The following PLXDC1 variants were observed in gnomAD, a reference collection of about 807,000 sequenced individuals.
PLXDC1 encodes plexin domain-containing protein 1.
PLXDC1 carries 39 observed loss-of-function variants against 61.3 expected under a neutral mutation model. The ratio of observed to expected loss-of-function variants is 0.64; its 90% CI spans 0.49 to 0.83. PLXDC1 has a LOEUF of 0.83. Ranked by LOEUF, PLXDC1 falls within the 40% of genes least tolerant of loss-of-function variation. The pLI is 0.00. For synonymous variants in PLXDC1, 212 were observed against 254.5 expected (o/e 0.83, Z 1.59); for missense variants, 596 against 666.5 (o/e 0.89, Z 1.17).
chr17:39,087,791 G>T, intron 7 of PLXDC1, 89 bp from the exon 8 acceptor site: 1 of 902,774 alleles, frequency 1.1e-6, no homozygotes, highest in Non-Finnish European at 1.8e-6. Flanking sequence ...AGGTCAGCCT[G>T]CTGCACTGAA....
intron 2 of PLXDC1, among the ~76,000 whole-genome samples, chr17:39,121,541 A>C (rs1911160605): frequency 6.6e-6 from 1 of 152,164 alleles, no homozygotes; most frequent in Admixed American, 6.6e-5. Context: ...CTTGAAATTC[A>C]CCAACTTTGG....
Position 39,108,983 on chromosome 17 carries a change from A to G in PLXDC1, c.400-10T>C. The G allele has an allele frequency of 1.2e-6, 2 of 1,608,316 alleles. No homozygotes were observed. Among genetic ancestry groups the G allele is most frequent in the South Asian group, 1.1e-5 (1 of 90,752 alleles). Reference sequence around the variant, plus strand: ...AGGACAAGACCACTCTCTGCAGGGGATGGGAGAAAGTCAGCACGGGCCAAG... The same window carrying G: ...AGGACAAGACCACTCTCTGCAGGGGGTGGGAGAAAGTCAGCACGGGCCAAG... On this transcript the variant is annotated splice_polypyrimidine_tract_variant and intron_variant, in intron 3 of 13. Transcript: ENST00000315392.
intron 2 of PLXDC1, among the ~76,000 whole-genome samples, chr17:39,127,680 G>T (rs970065718): frequency 6.6e-6 from 1 of 152,060 alleles, no homozygotes; most frequent in African/African-American, 2.4e-5. Context: ...ATAAGGCCGG[G>T]TGCAGTGGCT....
chr17:39,119,054 G>T (rs1369654163), intron 2 of PLXDC1, among the ~76,000 whole-genome samples: 1 of 152,206 alleles, frequency 6.6e-6, no homozygotes. Flanking sequence ...ATGAAAAGGA[G>T]GCAAGAACTG....
At chr17:39,092,700 CTT>C (rs1462722799) in intron 7 of PLXDC1, among the ~76,000 whole-genome samples, 1 of 150,708 alleles carries the variant, frequency 6.6e-6, no homozygotes, top group Non-Finnish European at 1.5e-5. Flanking sequence ...GCCACACAGT[CTT>C]TGTTTTAAAA....
intron 2 of PLXDC1, among the ~76,000 whole-genome samples, chr17:39,113,534 C>G (rs953587795): frequency 2.0e-5 from 3 of 152,168 alleles, no homozygotes; most frequent in Admixed American, 6.5e-5. Flanking sequence ...CCCTTCTCTT[C>G]TTTACTAATA....
intron 7 of PLXDC1, among the ~76,000 whole-genome samples, chr17:39,104,782 A>T (rs1020010821): frequency 4.9e-5 from 5 of 101,450 alleles, no homozygotes; most frequent in Non-Finnish European, 1.2e-4. Context: ...GACTTTGTTT[A>T]AAAAAAAAAA....
chr17:39,141,614 C>T (rs1911936730), intron 1 of PLXDC1, among the ~76,000 whole-genome samples: 1 of 152,200 alleles, frequency 6.6e-6, no homozygotes, highest in African/African-American at 2.4e-5. Context: ...ACAAATATCT[C>T]TTTGAGACCT....
intron 7 of PLXDC1, among the ~76,000 whole-genome samples, chr17:39,090,597 C>T (rs780706506): frequency 9.9e-5 from 15 of 152,132 alleles, no homozygotes; most frequent in Non-Finnish European, 8.8e-5. Context: ...CTCAGTGAGC[C>T]GCATCCACAC....
rs1911379292 is a variant in PLXDC1, at chr17:39,128,097, G to GTGTATATATATATATATATATATA, written c.255+11556_255+11557insTATATATATATATATATATATACA. Reference sequence around the variant, plus strand: ...TCTCTCTCTCTCTCTCTCTCTATGTGTATATATATATATATATGTATATAT... The same window carrying GTGTATATATATATATATATATATA: ...TCTCTCTCTCTCTCTCTCTCTATGTGTGTATATATATATATATATATATATATATATATATATATATGTATATAT... On this transcript the variant is annotated intron_variant, in intron 2 of 13. Coordinates refer to ENST00000315392, the MANE Select transcript of PLXDC1 (RefSeq NM_020405.5). 4.9e-4 allele frequency among the ~76,000 whole-genome samples: 33 copies of GTGTATATATATATATATATATATA among 67,496 alleles called. 1 individual carries two copies. The highest frequency in any genetic ancestry group is 3.6e-3 in the East Asian group (7 of 1,938). The allele number at this position is 67,496 out of a possible 152,430, so 44.3% of individuals were successfully genotyped here.
chr17:39,092,880 A>G lies in PLXDC1; in HGVS notation c.812-5178T>C, dbSNP rs77596927. Among the ~76,000 whole-genome samples, 908 of 152,232 alleles carry G rather than the reference A, an allele frequency of 6.0e-3. 52 individuals carry two copies. The East Asian group carries it at 0.13, about 22-fold the overall frequency. On this transcript the variant is annotated intron_variant, in intron 7 of 13. Transcript: ENST00000315392. Reference sequence around the variant, plus strand: ...GTTGTTGCCAATTTCTGTGGTGTAAATACTTCCACGGTAGCTGACTTCCAG... The same window carrying G: ...GTTGTTGCCAATTTCTGTGGTGTAAGTACTTCCACGGTAGCTGACTTCCAG...
At chr17:39,134,208 C>G in intron 2 of PLXDC1, among the ~76,000 whole-genome samples, 1 of 150,602 alleles carries the variant, frequency 6.6e-6, no homozygotes. Context: ...GAACCGAGAT[C>G]GTGCCACTGC....
At chr17:39,100,824 G>A (rs561685465) in intron 7 of PLXDC1, among the ~76,000 whole-genome samples, 32 of 152,360 alleles carry the variant, frequency 2.1e-4, no homozygotes, top group Middle Eastern at 3.4e-3. Context: ...TGGAGCCCAG[G>A]CTGTAATACT....
chr17:39,116,822 T>C (rs1910983307), intron 2 of PLXDC1, among the ~76,000 whole-genome samples: 1 of 152,222 alleles, frequency 6.6e-6, no homozygotes, highest in Non-Finnish European at 1.5e-5. Context: ...CAAAGAGGGC[T>C]GCCTATAGCC....
intron 2 of PLXDC1, among the ~76,000 whole-genome samples, chr17:39,122,052 AC>A (rs1911175095): frequency 7.3e-6 from 1 of 136,064 alleles, no homozygotes; most frequent in Non-Finnish European, 1.6e-5. Context: ...AGCTGAGATC[AC>A]GCCACTGCAT....
At chr17:39,152,452 G>A, upstream of PLXDC1, 1 of 1,074,504 alleles carries the variant, frequency 9.3e-7, no homozygotes, top group South Asian at 4.7e-5. Flanking sequence ...TTTTCTTCCA[G>A]GACAGAATAA....
intron 11 of PLXDC1, among the ~76,000 whole-genome samples, chr17:39,074,950 T>C: frequency 6.6e-6 from 1 of 152,074 alleles, no homozygotes; most frequent in East Asian, 1.9e-4. Context: ...CTTTTCCTTT[T>C]TCTTTCTTTC....
intron 2 of PLXDC1, among the ~76,000 whole-genome samples, chr17:39,110,463 G>T (rs1479996063): frequency 1.3e-5 from 2 of 152,220 alleles, no homozygotes; most frequent in African/African-American, 4.8e-5. Context: ...TTCAAAGGAG[G>T]CCAGGGAAAT....
chr17:39,120,758 ATTTTTTTTT>A (rs57148436), intron 2 of PLXDC1, among the ~76,000 whole-genome samples: 1,532 of 124,364 alleles, frequency 0.012, 38 homozygotes, highest in African/African-American at 0.043. Context: ...CACCCAGCTA[ATTTTTTTTT>A]TTTTTTTTTT....
Sources: allele counts gnomAD v4.1 joint callset (sites outside exome capture counted in the v4.1 genomes callset), GRCh38; gene constraint gnomAD v4.1.1; transcripts MANE v1.5; gene names NCBI Gene and HGNC (gene_info 2026-07-23, HGNC 2026-07-21).